Variants in KIF1A observed in about 807,000 individuals in gnomAD.
The protein encoded by KIF1A is kinesin-like protein KIF1A.
A neutral mutation model predicts 227.3 loss-of-function variants in KIF1A; 46 were observed. The observed-to-expected ratio is 0.20, with a 90% CI of 0.16 to 0.26. The LOEUF (loss-of-function observed/expected upper bound fraction) is 0.26, where lower values mean the gene tolerates loss of function less well. KIF1A is among the 10% of genes least tolerant of loss of function. KIF1A has a pLI of 1.00. For missense variants in KIF1A, 1,683 were observed against 2,485.9 expected, an observed-to-expected ratio of 0.68 and a Z score of 6.87; for synonymous variants, 1,022 against 1,012.8, an observed-to-expected ratio of 1.01 and a Z score of -0.17.
chr2:240,729,849 C>T (rs756280818), intron 38 of KIF1A, among the ~76,000 whole-genome samples: 1 of 152,346 alleles, frequency 6.6e-6, no homozygotes, highest in Admixed American at 6.5e-5. Flanking sequence ...CCTTTCCAGA[C>T]CACTGTCCCC....
chr2:240,780,842 ACAGCTCCACACACACACACACAGCTC>A (rs2053653146), intron 10 of KIF1A, among the ~76,000 whole-genome samples: 2 of 96,770 alleles, frequency 2.1e-5, no homozygotes, highest in Non-Finnish European at 3.8e-5. Context: ...ACACACACAC[ACAGCTCCACACACACACACACAGCTC>A]CACACACACA....
Position 240,767,139 on chromosome 2 carries a change from C to A in KIF1A, c.1578-118G>T. ...TTTGGGAAACACCCAGCGCAGACAT[C>A]AGTGGGGTCGCTGGGGAAGTCCAAA... On this transcript the variant is annotated intron_variant, in intron 18 of 48. Coordinates refer to ENST00000498729, the MANE Select transcript of KIF1A (RefSeq NM_001244008.2). 6 of 1,116,266 alleles carry A rather than the reference C, an allele frequency of 5.4e-6. No homozygotes were observed. The South Asian group carries it at 7.0e-5, about 13-fold the overall frequency. 69.1% of individuals were successfully genotyped at this position (1,116,266 alleles called of 1,614,324 possible).
At chr2:240,783,713 TC>T in intron 8 of KIF1A, 25 bp downstream of exon 8, 2 of 1,542,136 alleles carry the variant, frequency 1.3e-6, no homozygotes, top group Non-Finnish European at 1.8e-6. Flanking sequence ...TGGACACGGG[TC>T]CCCGCATGGC....
rs111771872 is a variant in KIF1A at position 240,760,577 on chromosome 2, T to A, written c.2444+88A>T. On this transcript the variant is annotated intron_variant, in intron 25 of 48. Transcript: ENST00000498729. ...CAGCGGTGTCTGCAGGTACTCGCTG[T>A]GAAGCCTGTGCCTACCACCGCTCCT... 21 of 1,065,394 alleles carry A rather than the reference T, an allele frequency of 2.0e-5. No individual in the cohort carries two copies. The African/African-American group carries it at 2.3e-4, about 12-fold the overall frequency. The allele number at this position is 1,065,394 out of a possible 1,614,324, so 66.0% of individuals were successfully genotyped here.
Position 240,725,522 on chromosome 2 carries a change from A to T in KIF1A, c.4123-118T>A. The T allele has an allele frequency of 8.8e-7, 1 of 1,141,238 alleles. No homozygotes were observed. The highest frequency in any genetic ancestry group is 1.2e-6 in the Non-Finnish European group (1 of 808,650). 70.7% of individuals were successfully genotyped at this position (1,141,238 alleles called of 1,614,324 possible). ...CGACAGGCAGCCCCAGGGCCTTCCC[A>T]GGGCCTCAGGTGTGGCCTGGACGCA... On this transcript the variant is annotated intron_variant, in intron 39 of 48. Coordinates refer to ENST00000498729, the MANE Select transcript of KIF1A (RefSeq NM_001244008.2). This position sits in a 1 kb window ranked among gnomAD's most constrained non-coding sequence, Gnocchi z 5.8.
Position 240,720,952 on chromosome 2 carries a change from G to C in KIF1A, c.4830C>G (p.Pro1610=). ...VATLTPSSTC[P]SLVEGRYGAT... ...CACCGTACCGCCCTTCAACCAGAGA[G>C]GGGCAAGTGGAGGAGGGGGTGAGAG... Residue 1610 remains proline, a synonymous_variant, in exon 45 of 49, where the codon CCC becomes CCG. Transcript: ENST00000498729. 1 of 1,597,546 alleles carries C rather than the reference G, an allele frequency of 6.3e-7. No individual in the cohort carries two copies.
Position 240,741,325 on chromosome 2 carries a change from G to A in KIF1A, c.3693C>T (p.His1231=), listed in dbSNP as rs375829173. ...TLTRPCPGPC[H]CKYDLLVYFE... is the part of the protein sequence containing the mutation. The stretch of plus-strand genomic sequence containing the variant: ...AGTAGACCAGCAGGTCGTACTTGCA[G>A]TGGCAGGGTCCCGGACAGGGCCGCG... The change falls in exon 35 of 49, where the codon CAC becomes CAT. Residue 1231 remains histidine, a synonymous_variant. Transcript: ENST00000498729. The A allele has an allele frequency of 3.0e-5, 48 of 1,599,756 alleles. No individual in the cohort carries two copies. The highest frequency in any genetic ancestry group is 5.1e-5 in the Admixed American group (3 of 58,958).
At chr2:240,812,337 C>T (rs920778706) in intron 1 of KIF1A, among the ~76,000 whole-genome samples, 3 of 152,188 alleles carry the variant, frequency 2.0e-5, no homozygotes, top group South Asian at 2.1e-4. Context: ...CATGGGGTGA[C>T]GGTGAGGGCC....
At position 240,783,767 on chromosome 2, in the gene KIF1A, G is replaced by T; in HGVS notation, c.770C>A (p.Ser257Tyr). The change falls in exon 8 of 49, where the codon TCC (serine) becomes TAC (tyrosine). Residue 257 changes from serine (S) to tyrosine (Y), a missense_variant. Ser to Tyr is a moderately radical substitution (Grantham distance 144). Around this residue, in one of 12 missense-constraint regions of KIF1A, gnomAD observed 14 missense variants for 62.4 expected, o/e 0.22. Coordinates refer to ENST00000498729, the MANE Select transcript of KIF1A (RefSeq NM_001244008.2). ...GAGGCGCGTGCCCTTGGCTCCCGTG[G>T]AGTCAGCCCGCTCGCTCCCAGCCAG... ...VDLAGSERADSTGAKGTRLKE... is the reference protein window; with the variant it reads ...VDLAGSERADYTGAKGTRLKE... The T allele has an allele frequency of 6.3e-7, 1 of 1,584,762 alleles. No individual in the cohort carries two copies. Among genetic ancestry groups the T allele is most frequent in the African/African-American group, 1.3e-5 (1 of 74,442 alleles).
At chr2:240,782,642 G>A (rs1356730364) in intron 9 of KIF1A, 35 bp from the exon 10 acceptor site, 7 of 1,550,488 alleles carry the variant, frequency 4.5e-6, no homozygotes, top group East Asian at 2.4e-5. Flanking sequence ...GCTGAGGCCC[G>A]GAGCGAAGCT....
At chr2:240,733,352 G>A (rs141524848) in intron 38 of KIF1A, among the ~76,000 whole-genome samples, 11 of 152,208 alleles carry the variant, frequency 7.2e-5, no homozygotes, top group Non-Finnish European at 1.6e-4. Flanking sequence ...TCCTCCTCCT[G>A]CAAGCCCGCC....
chr2:240,768,019 C>A (rs527759565), intron 17 of KIF1A, among the ~76,000 whole-genome samples: 3 of 152,328 alleles, frequency 2.0e-5, no homozygotes, highest in African/African-American at 7.2e-5. Context: ...GGAAGATGTC[C>A]AGCCAGGAGG....
At chr2:240,753,244 T>C (rs2049435275) in intron 27 of KIF1A, among the ~76,000 whole-genome samples, 1 of 152,150 alleles carries the variant, frequency 6.6e-6, no homozygotes, top group African/African-American at 2.4e-5. Flanking sequence ...CCCACTGCCC[T>C]GAAAGGCCAG....
chr2:240,723,672 T>C, intron 41 of KIF1A, 114 bp from the exon 42 acceptor site: 1 of 1,253,598 alleles, frequency 8.0e-7, no homozygotes, highest in Non-Finnish European at 1.1e-6. Context: ...GGAGATGGGC[T>C]TCCCCTGGTC....
rs2125791983 is a variant in KIF1A at position 240,745,900 on chromosome 2, G to T, written c.3212C>A (p.Pro1071Gln). 1.2e-6 allele frequency: 2 copies of T among 1,603,152 alleles called. No homozygotes were observed. Among genetic ancestry groups the T allele is most frequent in the Non-Finnish European group, 8.5e-7 (1 of 1,173,308 alleles). The change falls in exon 31 of 49, where the codon CCA (proline) becomes CAA (glutamine). Residue 1071 changes from proline (P) to glutamine (Q), a missense_variant. Physicochemically the swap from Pro to Gln is moderately conservative, Grantham distance 76. This residue lies in a region of KIF1A where 759 missense variants were observed against 1,020.2 expected (regional missense o/e 0.74). Coordinates refer to ENST00000498729, the MANE Select transcript of KIF1A (RefSeq NM_001244008.2). Reference protein sequence around the residue: ...VNNNTCSAVPPEGLLLDSSEK... With the variant: ...VNNNTCSAVPQEGLLLDSSEK... ...AGAGCTGTCTAGGAGGAGGCCTTCT[G>T]GGGGCACTGCTGCTGGGAGTCAAGG...
intron 17 of KIF1A, among the ~76,000 whole-genome samples, chr2:240,768,552 T>C (rs926313461): frequency 4.6e-5 from 7 of 152,322 alleles, no homozygotes; most frequent in East Asian, 1.9e-4. Context: ...CAAGTGTGTG[T>C]GTCATGCCCC....
Position 240,737,137 on chromosome 2 carries a change from C to T in KIF1A, c.3933G>A (p.Glu1311=), listed in dbSNP as rs1284387686. The part of the protein sequence containing the change: ...GRIRNTPETD[E]SLIDPNILSL... The stretch of plus-strand genomic sequence containing the variant: ...ACAAGATGTTGGGGTCGATCAGGGA[C>T]TCGTCGGTCTCTGGAGTGTTTCGGA... The change falls in exon 38 of 49, where the codon GAG becomes GAA. Residue 1311 remains glutamate (E), a synonymous_variant. Transcript: ENST00000498729. The T allele has an allele frequency of 6.2e-7, 1 of 1,613,744 alleles. No homozygotes were observed. Among genetic ancestry groups the T allele is most frequent in the Non-Finnish European group, 8.5e-7 (1 of 1,179,730 alleles).
chr2:240,764,210 C>T (rs1205173675), intron 20 of KIF1A, among the ~76,000 whole-genome samples: 1 of 152,206 alleles, frequency 6.6e-6, no homozygotes, highest in Non-Finnish European at 1.5e-5. Context: ...TGGCTGCTCT[C>T]AGCTGGCCAC....
rs1056485045 is a variant in KIF1A at position 240,739,419 on chromosome 2, G to A, written c.3901+639C>T. On this transcript the variant is annotated intron_variant, in intron 37 of 48. Transcript: ENST00000498729. This position sits in a 1 kb window ranked among gnomAD's most constrained non-coding sequence, Gnocchi z 5.6. ...TGGTTATGGGAGGAATTGTGTCCCC[G>A]AAAAATATACGTGGAAGTCCTAACC... 1.3e-5 allele frequency among the ~76,000 whole-genome samples: 2 copies of A among 152,190 alleles called. No homozygotes were observed. The highest frequency in any genetic ancestry group is 4.8e-5 in the African/African-American group (2 of 41,442).
Sources: gnomAD v4.1 joint callset for allele counts (sites outside exome capture counted in the v4.1 genomes callset) on GRCh38, gnomAD v4.1.1 for gene constraint, gnomAD v4.1.1 regional missense constraint, Gnocchi (gnomAD v3.1) non-coding constraint, MANE v1.5 for transcripts, NCBI Gene and HGNC (gene_info 2026-07-23, HGNC 2026-07-21) for gene names.